PPM1E: variants seen among roughly 807,000 people sequenced by gnomAD.
The protein encoded by PPM1E is protein phosphatase, Mg2+/Mn2+ dependent 1E.
PPM1E carries 20 observed loss-of-function variants against 65.9 expected under a neutral mutation model. The observed-to-expected ratio is 0.30, with a 90% confidence interval of 0.21 to 0.44. PPM1E has a LOEUF of 0.44. Among genes scored for constraint, PPM1E ranks in the 20% least tolerant of loss-of-function variants. The pLI, the probability that PPM1E is intolerant of heterozygous loss-of-function variation, is 1.00. For synonymous variants in PPM1E, 352 were observed against 374.9 expected (o/e 0.94, Z 0.70); for missense variants, 713 against 953.1 (o/e 0.75, Z 3.32).
Position 58,984,217 on chromosome 17 carries a change from C to T in PPM1E, c.*3186C>T, listed in dbSNP as rs2031580879. ...ACAATGGCAACAATGTCAATGTCAACACTGAGTCTAATTTTGACCACATTT... is the reference window on the plus strand; with the variant it reads ...ACAATGGCAACAATGTCAATGTCAATACTGAGTCTAATTTTGACCACATTT... On this transcript the variant is annotated 3_prime_UTR_variant, in exon 7 of 7. Coordinates refer to ENST00000308249, the MANE Select transcript of PPM1E (RefSeq NM_014906.5). The T allele has an allele frequency of 6.6e-6, 1 of 152,638 alleles. No homozygotes were observed. The highest frequency in any genetic ancestry group is 6.5e-5 in the Admixed American group (1 of 15,286). 9.5% of individuals were successfully genotyped at this position (152,638 alleles called of 1,614,324 possible).
chr17:58,939,841 G>C (rs1320847397), intron 1 of PPM1E, among the ~76,000 whole-genome samples: 1 of 152,058 alleles, frequency 6.6e-6, no homozygotes, highest in Non-Finnish European at 1.5e-5. Context: ...TGAATTGCTT[G>C]AAGATAAAAA....
At chr17:58,789,249 C>A (rs2050132864) in intron 1 of PPM1E, among the ~76,000 whole-genome samples, 1 of 152,164 alleles carries the variant, frequency 6.6e-6, no homozygotes, top group Non-Finnish European at 1.5e-5. Context: ...TTCAGTATAT[C>A]CAATAAAGAT....
intron 1 of PPM1E, among the ~76,000 whole-genome samples, chr17:58,888,695 T>C (rs933415730): frequency 2.0e-5 from 3 of 152,188 alleles, no homozygotes; most frequent in African/African-American, 7.2e-5. Flanking sequence ...TTCACCCTCA[T>C]TTATTTCCTG....
At chr17:58,808,181 G>A (rs1161888017) in intron 1 of PPM1E, among the ~76,000 whole-genome samples, 1 of 152,116 alleles carries the variant, frequency 6.6e-6, no homozygotes, top group Non-Finnish European at 1.5e-5. Flanking sequence ...GTTTATCCAT[G>A]CAGCAATTTT....
chr17:58,877,528 G>A (rs2051141522), intron 1 of PPM1E, among the ~76,000 whole-genome samples: 1 of 152,100 alleles, frequency 6.6e-6, no homozygotes, highest in African/African-American at 2.4e-5. Flanking sequence ...GTTTTAAAAT[G>A]TATTTTAGAA....
At position 58,972,188 on chromosome 17, in the gene PPM1E, T is replaced by C. The variant is rs1338872330; in HGVS notation, c.1029T>C (p.His343=). Residue 343 remains histidine (H), a synonymous_variant, in exon 5 of 7, where the codon CAT becomes CAC. Coordinates refer to ENST00000308249, the MANE Select transcript of PPM1E (RefSeq NM_014906.5). ...VVTFIRGNML[H]VAWVGDSQVM... Reference sequence around the variant, plus strand: ...CTTTCATCAGAGGCAACATGCTACATGTGGCCTGGGTGGGTGATTCCCAGG... The same window carrying C: ...CTTTCATCAGAGGCAACATGCTACACGTGGCCTGGGTGGGTGATTCCCAGG... 1.9e-6 allele frequency: 3 copies of C among 1,614,090 alleles called. No homozygotes were observed. The Admixed American group carries it at 5.0e-5, about 27-fold the overall frequency.
At chr17:58,902,108 A>G (rs1331696714) in intron 1 of PPM1E, among the ~76,000 whole-genome samples, 6 of 152,096 alleles carry the variant, frequency 3.9e-5, no homozygotes, top group Non-Finnish European at 7.4e-5. Flanking sequence ...AGTAATAAAG[A>G]TTAAAACAAT....
At chr17:58,912,141 G>C (rs1245483641) in intron 1 of PPM1E, among the ~76,000 whole-genome samples, 3 of 152,224 alleles carry the variant, frequency 2.0e-5, no homozygotes, top group East Asian at 3.9e-4. Context: ...AGGGAGGGAG[G>C]GGGTAGGAGT....
intron 1 of PPM1E, among the ~76,000 whole-genome samples, chr17:58,884,573 A>G (rs1486948218): frequency 3.9e-5 from 6 of 152,206 alleles, no homozygotes; most frequent in Admixed American, 3.9e-4. Flanking sequence ...TATTAATATT[A>G]GATCTGCCCT....
intron 1 of PPM1E, among the ~76,000 whole-genome samples, chr17:58,913,727 T>C (rs190349451): frequency 1.6e-4 from 25 of 152,258 alleles, no homozygotes; most frequent in African/African-American, 5.8e-4. Context: ...CTGGGTAGGA[T>C]TGCAAGACCA....
chr17:58,825,955 G>A (rs2050531628), intron 1 of PPM1E, among the ~76,000 whole-genome samples: 1 of 151,806 alleles, frequency 6.6e-6, no homozygotes, highest in African/African-American at 2.4e-5. Context: ...AGTTTTAATG[G>A]TTCCTGACAT....
chr17:58,857,036 A>G (rs1391069398), intron 1 of PPM1E, among the ~76,000 whole-genome samples: 1 of 152,100 alleles, frequency 6.6e-6, no homozygotes, highest in Admixed American at 6.5e-5. Flanking sequence ...AGTTTAACCT[A>G]TTTTTTGCCC....
At chr17:58,938,984 C>T (rs1265166307) in intron 1 of PPM1E, among the ~76,000 whole-genome samples, 2 of 151,878 alleles carry the variant, frequency 1.3e-5, no homozygotes, top group African/African-American at 2.4e-5. Flanking sequence ...GAGGGGGTTT[C>T]ACCATGTTGG....
chr17:58,801,685 T>G (rs2050259765), intron 1 of PPM1E, among the ~76,000 whole-genome samples: 1 of 151,936 alleles, frequency 6.6e-6, no homozygotes, highest in Admixed American at 6.6e-5. Context: ...TCGTGATCTG[T>G]CTGCCTCAAC....
chr17:58,889,554 G>A (rs773909976), intron 1 of PPM1E, among the ~76,000 whole-genome samples: 7 of 152,146 alleles, frequency 4.6e-5, no homozygotes, highest in South Asian at 2.1e-4. Context: ...AGCCGAGACC[G>A]TGCCACTGCA....
intron 1 of PPM1E, among the ~76,000 whole-genome samples, chr17:58,932,847 TA>T (rs1309979211): frequency 6.6e-6 from 1 of 152,206 alleles, no homozygotes; most frequent in African/African-American, 2.4e-5. Flanking sequence ...AACAACATTT[TA>T]GTCAATAACA....
intron 1 of PPM1E, among the ~76,000 whole-genome samples, chr17:58,918,320 G>A (rs983414520): frequency 6.6e-6 from 1 of 152,118 alleles, no homozygotes; most frequent in African/African-American, 2.4e-5. Flanking sequence ...CATTTAACCA[G>A]TAGAATTCCT....
intron 1 of PPM1E, among the ~76,000 whole-genome samples, chr17:58,860,126 G>A (rs2050923457): frequency 6.6e-6 from 1 of 152,194 alleles, no homozygotes; most frequent in Non-Finnish European, 1.5e-5. Flanking sequence ...CCCAGTTGTG[G>A]CAGAAAGATG....
At chr17:58,959,381 C>A (rs539767385) in intron 2 of PPM1E, among the ~76,000 whole-genome samples, 26 of 150,042 alleles carry the variant, frequency 1.7e-4, no homozygotes, top group Non-Finnish European at 3.2e-4. Context: ...GGGCGGATAC[C>A]GAGGTCAGGA....
Sources: gnomAD v4.1 joint callset for allele counts (sites outside exome capture counted in the v4.1 genomes callset) on GRCh38, gnomAD v4.1.1 for gene constraint, MANE v1.5 for transcripts, NCBI Gene and HGNC (gene_info 2026-07-23, HGNC 2026-07-21) for gene names.